ADGRD1: variants seen among roughly 807,000 people sequenced by gnomAD.
ADGRD1 encodes adhesion G protein-coupled receptor D1.
Under a neutral mutation model 113.4 loss-of-function variants are expected in ADGRD1, and 77 were observed. The observed-to-expected ratio is 0.68, with a 90% confidence interval of 0.57 to 0.82. ADGRD1 has a LOEUF of 0.82. Among genes scored for constraint, ADGRD1 ranks in the 40% least tolerant of loss-of-function variants. The pLI is 0.00. For missense variants in ADGRD1, 1,036 were observed against 1,139.1 expected, an observed-to-expected ratio of 0.91 and a Z score of 1.30; for synonymous variants, 474 against 475.0, an observed-to-expected ratio of 1.00 and a Z score of 0.03.
chr12:131,115,435 G>A (rs1311716177), intron 18 of ADGRD1, among the ~76,000 whole-genome samples: 1 of 152,190 alleles, frequency 6.6e-6, no homozygotes, highest in African/African-American at 2.4e-5. Flanking sequence ...TCTGGAAATA[G>A]GTGGCACCAG....
At chr12:131,103,942 C>T (rs1032500026) in intron 15 of ADGRD1, among the ~76,000 whole-genome samples, 2 of 152,194 alleles carry the variant, frequency 1.3e-5, no homozygotes, top group Non-Finnish European at 1.5e-5. Flanking sequence ...AGCCCGGAGC[C>T]TCCTGGAGCG....
At chr12:130,977,884 A>C (rs1872519611) in intron 4 of ADGRD1, 2 of 152,426 alleles carry the variant, frequency 1.3e-5, no homozygotes, top group African/African-American at 4.8e-5. Context: ...GGGCCTGGGA[A>C]GGGCAGCTGC....
chr12:131,021,531 C>T (rs1394393668), intron 13 of ADGRD1, among the ~76,000 whole-genome samples: 1 of 152,062 alleles, frequency 6.6e-6, no homozygotes, highest in Non-Finnish European at 1.5e-5. Context: ...TGTGAGTCGG[C>T]CTGTGGGCTA....
At chr12:131,090,520 C>G (rs1391200575) in intron 15 of ADGRD1, among the ~76,000 whole-genome samples, 1 of 152,200 alleles carries the variant, frequency 6.6e-6, no homozygotes, top group African/African-American at 2.4e-5. Flanking sequence ...AAGCCCTCTT[C>G]CTCCTAAGTG....
intron 13 of ADGRD1, among the ~76,000 whole-genome samples, chr12:131,034,027 G>C (rs912555724): frequency 2.6e-5 from 4 of 152,146 alleles, no homozygotes; most frequent in African/African-American, 7.2e-5. Flanking sequence ...TGGTTTCACT[G>C]TCTACCCCGG....
chr12:130,982,709 G>A (rs1257739855), intron 5 of ADGRD1, among the ~76,000 whole-genome samples: 2 of 152,226 alleles, frequency 1.3e-5, no homozygotes, highest in Non-Finnish European at 2.9e-5. Context: ...CCCTGGATGT[G>A]TGGGAAGAGA....
At chr12:131,068,858 T>C (rs529017525) in intron 13 of ADGRD1, among the ~76,000 whole-genome samples, 2 of 152,258 alleles carry the variant, frequency 1.3e-5, no homozygotes, top group Non-Finnish European at 2.9e-5. Flanking sequence ...AGGAGCCAAA[T>C]TGAAAAGCTG....
intron 13 of ADGRD1, among the ~76,000 whole-genome samples, chr12:131,029,812 A>G (rs1242418538): frequency 8.5e-6 from 1 of 118,014 alleles, no homozygotes; most frequent in South Asian, 2.9e-4. Flanking sequence ...ACCCCTCTTA[A>G]CGGTGACATT....
chr12:130,954,920 C>CTCCT lies in ADGRD1; in HGVS notation c.103+261_103+262insCCTT, dbSNP rs33960823. ...AACATTGTGATTAAGGAAATATGAT[C>CTCCT]TTCATTTGAATGCCTTCTGCCTCTT... is the stretch of plus-strand genomic sequence containing the variant. On this transcript the variant is annotated intron_variant, in intron 2 of 24. Coordinates refer to ENST00000261654, the MANE Select transcript of ADGRD1 (RefSeq NM_198827.5). This position sits in a 1 kb window ranked among gnomAD's most constrained non-coding sequence, Gnocchi z 4.7. 3.8e-4 allele frequency among the ~76,000 whole-genome samples: 1 copy of CTCCT among 2,652 alleles called. No individual in the cohort carries two copies. The highest frequency in any genetic ancestry group is 6.8e-4 in the Non-Finnish European group (1 of 1,472). 1.7% of individuals were successfully genotyped at this position (2,652 alleles called of 152,430 possible). A position where few individuals can be genotyped will look rare whatever the true frequency, so the allele number is the denominator to read the frequency against.
At chr12:131,072,024 G>A (rs1792095892) in intron 13 of ADGRD1, among the ~76,000 whole-genome samples, 1 of 150,456 alleles carries the variant, frequency 6.6e-6, no homozygotes, top group Non-Finnish European at 1.5e-5. Context: ...GTTCAGTTTC[G>A]GGGCAAGCTG....
At chr12:131,073,995 G>C (rs2137152148) in intron 13 of ADGRD1, among the ~76,000 whole-genome samples, 1 of 152,288 alleles carries the variant, frequency 6.6e-6, no homozygotes, top group South Asian at 2.1e-4. Flanking sequence ...GGGGGACACA[G>C]TCAAACCCTA....
chr12:131,021,276 C>G (rs551076608), intron 13 of ADGRD1, among the ~76,000 whole-genome samples: 4 of 152,034 alleles, frequency 2.6e-5, no homozygotes, highest in Non-Finnish European at 5.9e-5. Flanking sequence ...TTTTCAGTCC[C>G]GGGGTCTCAT....
intron 18 of ADGRD1, among the ~76,000 whole-genome samples, 188 bp downstream of exon 18, chr12:131,109,065 A>G (rs1385470771): frequency 1.3e-5 from 2 of 152,128 alleles, no homozygotes; most frequent in African/African-American, 4.8e-5. Flanking sequence ...TCATCTTCAT[A>G]TTATCCTTCT....
intron 8 of ADGRD1, among the ~76,000 whole-genome samples, chr12:130,999,139 T>C (rs1367415466): frequency 6.6e-6 from 1 of 152,290 alleles, no homozygotes; most frequent in South Asian, 2.1e-4. Context: ...TTCTGTGTGA[T>C]AGACTGCTCT....
intron 20 of ADGRD1, among the ~76,000 whole-genome samples, chr12:131,123,800 T>C (rs894517663): frequency 7.0e-6 from 1 of 142,864 alleles, no homozygotes; most frequent in African/African-American, 2.6e-5. Context: ...CCATCCAGCC[T>C]GGGCAACAGA....
At chr12:130,993,750 G>A (rs1874755780) in intron 8 of ADGRD1, 1 of 152,526 alleles carries the variant, frequency 6.6e-6, no homozygotes, top group South Asian at 2.1e-4. Flanking sequence ...TTCAGGCCAT[G>A]TACTCGCTTC....
chr12:130,997,680 C>A (rs1375969269), intron 8 of ADGRD1, among the ~76,000 whole-genome samples: 1 of 150,280 alleles, frequency 6.7e-6, no homozygotes, highest in Non-Finnish European at 1.5e-5. Flanking sequence ...ATTTCCTAGA[C>A]GGGATGGCGG....
At chr12:131,114,870 C>T (rs1950427535) in intron 18 of ADGRD1, among the ~76,000 whole-genome samples, 1 of 152,150 alleles carries the variant, frequency 6.6e-6, no homozygotes, top group African/African-American at 2.4e-5. Context: ...GAGTGACAAG[C>T]ATTGGAGAGT....
At chr12:131,011,113 G>A (rs188864882) in intron 12 of ADGRD1, among the ~76,000 whole-genome samples, 1 of 21,884 alleles carries the variant, frequency 4.6e-5, no homozygotes, top group African/African-American at 1.9e-4. Context: ...GCCCCACCCT[G>A]CCCCACCTCA....
Sources: allele counts gnomAD v4.1 joint callset (sites outside exome capture counted in the v4.1 genomes callset), GRCh38; gene constraint gnomAD v4.1.1; non-coding constraint Gnocchi (gnomAD v3.1); transcripts MANE v1.5; gene names NCBI Gene and HGNC (gene_info 2026-07-23, HGNC 2026-07-21).